The following ME2 variants were observed in gnomAD, a reference collection of about 807,000 sequenced individuals.
ME2 encodes malic enzyme 2.
In ME2, 60 loss-of-function variants were observed where a neutral mutation model predicts 73.7. The ratio of observed to expected loss-of-function variants is 0.81; its 90% CI spans 0.66 to 1.01. ME2 has a LOEUF of 1.01. Ranked by LOEUF, ME2 falls within the 50% of genes least tolerant of loss-of-function variation. The pLI is 0.00. For missense variants in ME2, 594 were observed against 705.5 expected (o/e 0.84, Z 1.79); for synonymous variants, 199 against 236.9 (o/e 0.84, Z 1.47).
chr18:50,932,619 G>A (rs1917724591), intron 13 of ME2: 1 of 266,286 alleles, frequency 3.8e-6, no homozygotes, highest in Non-Finnish European at 7.0e-6. Context: ...GAACAGAATG[G>A]CACAAAATTA....
chr18:50,909,472 A>T (rs1400363121), intron 3 of ME2, among the ~76,000 whole-genome samples: 1 of 152,216 alleles, frequency 6.6e-6, no homozygotes, highest in African/African-American at 2.4e-5. Flanking sequence ...GAAGGGAGTG[A>T]TGCCTAAGCT....
chr18:50,953,708 G>T lies in ME2; in HGVS notation c.*6524G>T, dbSNP rs1309130015. On this transcript the variant is annotated 3_prime_UTR_variant, in exon 16 of 16. Coordinates refer to ENST00000321341, the MANE Select transcript of ME2 (RefSeq NM_002396.5). Reference sequence around the variant, plus strand: ...TGTCAATTTGCAATTCAATTATAAGGTATATTTTAAGTGATATCTATGTAT... The same window carrying T: ...TGTCAATTTGCAATTCAATTATAAGTTATATTTTAAGTGATATCTATGTAT... 6.6e-6 allele frequency: 1 copy of T among 152,016 alleles called. No homozygotes were observed. Among genetic ancestry groups the T allele is most frequent in the East Asian group, 1.9e-4 (1 of 5,186 alleles). The allele number at this position is 152,016 out of a possible 1,614,324, so 9.4% of individuals were successfully genotyped here.
chr18:50,906,687 A>G (rs115470293), intron 2 of ME2, among the ~76,000 whole-genome samples: 135 of 152,316 alleles, frequency 8.9e-4, no homozygotes, highest in African/African-American at 3.2e-3. Context: ...TTTTGTGGTC[A>G]GCTGATAATT....
At chr18:50,900,259 A>C (rs1916854556) in intron 2 of ME2, among the ~76,000 whole-genome samples, 1 of 146,282 alleles carries the variant, frequency 6.8e-6, no homozygotes, top group East Asian at 2.0e-4. Context: ...GAAGGAAAAA[A>C]GTAAGAATAA....
chr18:50,899,287 A>G (rs78750545), intron 2 of ME2, among the ~76,000 whole-genome samples: 1 of 152,168 alleles, frequency 6.6e-6, no homozygotes, highest in East Asian at 1.9e-4. Context: ...ACTATCATCA[A>G]TGACTTCAAT....
At position 50,917,977 on chromosome 18, in the gene ME2, A is replaced by G. The variant is rs1599108376; in HGVS notation, c.631-133A>G. 5.6e-6 allele frequency: 3 copies of G among 533,880 alleles called. No individual in the cohort carries two copies. In the South Asian group the frequency reaches 1.1e-4, roughly 19 times the overall value. The allele number at this position is 533,880 out of a possible 1,614,324, so 33.1% of individuals were successfully genotyped here. On this transcript the variant is annotated intron_variant, in intron 6 of 15. Coordinates refer to ENST00000321341, the MANE Select transcript of ME2 (RefSeq NM_002396.5). ...CAAGAGTGAGACTGTCTCAAAAAAG[A>G]AAAAATAAAGTTTCTTGTAGGGCAA...
chr18:50,932,199 C>T (rs1917708429), intron 12 of ME2, 59 bp from the exon 13 acceptor site: 2 of 1,442,570 alleles, frequency 1.4e-6, no homozygotes, highest in African/African-American at 1.4e-5. Flanking sequence ...TATGAATTCA[C>T]CTCAATTTTC....
At position 50,927,751 on chromosome 18, in the gene ME2, T is replaced by TAC. The variant is rs1555678365; in HGVS notation, c.1314+1858_1314+1859dup. ...ATATATATATATATATATATATATA[T>TAC]ACACACCACAGTACTGTTATACCTC... On this transcript the variant is annotated intron_variant, in intron 12 of 15. Coordinates refer to ENST00000321341, the MANE Select transcript of ME2 (RefSeq NM_002396.5). 2.5e-3 allele frequency among the ~76,000 whole-genome samples: 313 copies of TAC among 123,242 alleles called. 2 individuals carry two copies. The highest frequency in any genetic ancestry group is 3.1e-3 in the Non-Finnish European group (190 of 61,426). 80.9% of individuals were successfully genotyped at this position (123,242 alleles called of 152,430 possible).
At position 50,932,337 on chromosome 18, in the gene ME2, G is replaced by A; in HGVS notation, c.1394G>A (p.Gly465Glu). ...GGGCGAGTCTTTACACCAGGTCAAG[G>A]AAACAATGTTTATATTTTTCCAGGT... Reference protein sequence around the residue: ...TDGRVFTPGQGNNVYIFPGVA... With the variant: ...TDGRVFTPGQENNVYIFPGVA... The change falls in exon 13 of 16, where the codon GGA becomes GAA. Residue 465 changes from glycine to glutamate, a missense_variant. Physicochemically the swap from Gly to Glu is moderately conservative, Grantham distance 98. Transcript: ENST00000321341. The A allele has an allele frequency of 6.2e-7, 1 of 1,612,708 alleles. No individual in the cohort carries two copies. Among genetic ancestry groups the A allele is most frequent in the South Asian group, 1.1e-5 (1 of 90,900 alleles).
Position 50,925,806 on chromosome 18 carries a change from G to T in ME2, c.1222G>T (p.Ala408Ser). The T allele has an allele frequency of 1.2e-6, 2 of 1,613,596 alleles. No individual in the cohort carries two copies. Among genetic ancestry groups the T allele is most frequent in the Non-Finnish European group, 1.7e-6 (2 of 1,179,566 alleles). ...CACTCCTGATGTAATCAGAGCCATG[G>T]CCTCTATCAATGAAAGGCCTGTAAT... ...LFTPDVIRAM[A>S]SINERPVIFA... Residue 408 changes from alanine (A) to serine (S), a missense_variant, in exon 12 of 16, where the codon GCC (alanine) becomes TCC (serine). By Grantham distance (99) the Ala-to-Ser change is moderately conservative (BLOSUM62 1). Coordinates refer to ENST00000321341, the MANE Select transcript of ME2 (RefSeq NM_002396.5).
intron 15 of ME2, among the ~76,000 whole-genome samples, chr18:50,941,261 CA>C (rs35785739): frequency 1.8e-3 from 162 of 89,710 alleles, no homozygotes; most frequent in African/African-American, 5.0e-3. Flanking sequence ...AACTCCATCT[CA>C]AAAAAAAAAA....
rs866975250 is a variant in ME2 at position 50,948,256 on chromosome 18, G to A, written c.*1072G>A. ...TTAGAGCTAAATGGGGATGAATAAG[G>A]TTGGTGTTCATCTGGGAAATGCCTT... is the stretch of plus-strand genomic sequence containing the variant. On this transcript the variant is annotated 3_prime_UTR_variant, in exon 16 of 16. Transcript: ENST00000321341. 1 of 152,176 alleles carries A rather than the reference G, an allele frequency of 6.6e-6. No individual in the cohort carries two copies. Among genetic ancestry groups the A allele is most frequent in the African/African-American group, 2.4e-5 (1 of 41,452 alleles). The allele number at this position is 152,176 out of a possible 1,614,324, so 9.4% of individuals were successfully genotyped here. A position where few individuals can be genotyped will look rare whatever the true frequency, so the allele number is the denominator to read the frequency against.
chr18:50,924,079 A>G lies in ME2; in HGVS notation c.1057-19A>G, dbSNP rs1917486761. The stretch of plus-strand genomic sequence containing the variant: ...TATGCATTGACTAAAAAAATACTGT[A>G]TTTTATCTCAAAATTTAGGGACGGA... On this transcript the variant is annotated intron_variant, in intron 10 of 15. Coordinates refer to ENST00000321341, the MANE Select transcript of ME2 (RefSeq NM_002396.5). The G allele has an allele frequency of 2.6e-6, 4 of 1,524,976 alleles. No homozygotes were observed. The highest frequency in any genetic ancestry group is 9.1e-7 in the Non-Finnish European group (1 of 1,103,038). The allele number at this position is 1,524,976 out of a possible 1,614,324, so 94.5% of individuals were successfully genotyped here.
At chr18:50,906,283 A>G (rs1347722364) in intron 2 of ME2, among the ~76,000 whole-genome samples, 1 of 152,056 alleles carries the variant, frequency 6.6e-6, no homozygotes, top group African/African-American at 2.4e-5. Context: ...TATTGCTGCT[A>G]CTTTTGCTTG....
intron 12 of ME2, among the ~76,000 whole-genome samples, chr18:50,927,335 C>A (rs553108077): frequency 7.2e-5 from 11 of 152,144 alleles, no homozygotes; most frequent in African/African-American, 2.4e-4. Context: ...ATCTTCACTC[C>A]TTTAAAACAA....
At chr18:50,886,246 A>ATTT (rs34895453) in intron 1 of ME2, among the ~76,000 whole-genome samples, 5 of 142,778 alleles carry the variant, frequency 3.5e-5, no homozygotes, top group African/African-American at 7.7e-5. Context: ...GGTAAGTTAG[A>ATTT]TTTTTTTTTT....
intron 3 of ME2, 138 bp from the exon 4 acceptor site, chr18:50,912,663 G>T: frequency 1.5e-6 from 1 of 658,000 alleles, no homozygotes; most frequent in Non-Finnish European, 2.3e-6. Flanking sequence ...ATAATCTAAG[G>T]TTTTGGGTTT....
At chr18:50,930,494 G>A (rs1262780806) in intron 12 of ME2, among the ~76,000 whole-genome samples, 2 of 152,068 alleles carry the variant, frequency 1.3e-5, no homozygotes, top group Middle Eastern at 3.2e-3. Context: ...CATAGACCAA[G>A]TTGGACTTCA....
At chr18:50,908,907 C>T (rs1384371014) in intron 3 of ME2, among the ~76,000 whole-genome samples, 3 of 150,796 alleles carry the variant, frequency 2.0e-5, no homozygotes, top group Non-Finnish European at 4.4e-5. Flanking sequence ...TCCCAAAGTG[C>T]TGGGATTATA....
Sources: gnomAD v4.1 joint callset for allele counts (sites outside exome capture counted in the v4.1 genomes callset) on GRCh38, gnomAD v4.1.1 for gene constraint, MANE v1.5 for transcripts, NCBI Gene and HGNC (gene_info 2026-07-23, HGNC 2026-07-21) for gene names.